Variants in ATP10A observed in about 807,000 individuals in gnomAD.
ATP10A encodes the protein phospholipid-transporting ATPase VA.
A neutral mutation model predicts 147.8 loss-of-function variants in ATP10A; 111 were observed. The ratio of observed to expected loss-of-function variants is 0.75; its 90% CI spans 0.64 to 0.88. The LOEUF (loss-of-function observed/expected upper bound fraction) is 0.88. ATP10A is among the 40% of genes least tolerant of loss of function. ATP10A has a pLI of 0.00. For synonymous variants in ATP10A, 875 were observed against 841.6 expected (o/e 1.04, Z -0.69); for missense variants, 1,927 against 1,959.0 (o/e 0.98, Z 0.31).
At chr15:25,853,961 A>T (rs1893400471) in intron 1 of ATP10A, among the ~76,000 whole-genome samples, 1 of 152,158 alleles carries the variant, frequency 6.6e-6, no homozygotes, top group Admixed American at 6.5e-5. Flanking sequence ...AAGAAAAAAA[A>T]AAAAAGACTC....
At chr15:25,832,981 C>CTTTTTTTTTT (rs202037774) in intron 1 of ATP10A, among the ~76,000 whole-genome samples, 37 of 124,186 alleles carry the variant, frequency 3.0e-4, no homozygotes, top group East Asian at 4.8e-4. Context: ...CTATTTTATT[C>CTTTTTTTTTT]TTTTTTTTTT....
chr15:25,846,443 G>T (rs1435171457), intron 1 of ATP10A, among the ~76,000 whole-genome samples: 1 of 152,192 alleles, frequency 6.6e-6, no homozygotes, highest in African/African-American at 2.4e-5. Context: ...CAAGCCCCAA[G>T]TTAGCACGTG....
At chr15:25,796,605 G>A (rs74668666) in intron 1 of ATP10A, among the ~76,000 whole-genome samples, 14,098 of 152,230 alleles carry the variant, frequency 0.093, 870 homozygotes, top group Non-Finnish European at 0.14. Flanking sequence ...ACCTCACAAC[G>A]TGGCTTCTTC....
At chr15:25,765,985 A>G (rs1311196262) in intron 2 of ATP10A, among the ~76,000 whole-genome samples, 1 of 152,224 alleles carries the variant, frequency 6.6e-6, no homozygotes, top group African/African-American at 2.4e-5. Context: ...TAATAAAGAC[A>G]TACCCAAAAC....
At position 25,740,375 on chromosome 15, in the gene ATP10A, C is replaced by T. The variant is rs144202442; in HGVS notation, c.655-4234G>A. The stretch of plus-strand genomic sequence containing the variant: ...TGCTGCCAGCAGGGACCCTGCCTAA[C>T]GCTCCAGGTGGAAATCTGTGAGTGA... On this transcript the variant is annotated intron_variant, in intron 2 of 20. Coordinates refer to ENST00000555815, the MANE Select transcript of ATP10A (RefSeq NM_024490.4). Among the ~76,000 whole-genome samples, 486 of 152,328 alleles carry T rather than the reference C, an allele frequency of 3.2e-3. 2 individuals carry two copies. Among genetic ancestry groups the T allele is most frequent in the Non-Finnish European group, 4.1e-3 (281 of 68,040 alleles).
intron 1 of ATP10A, among the ~76,000 whole-genome samples, chr15:25,853,953 G>GAA (rs60346962): frequency 1.6e-5 from 2 of 123,532 alleles, no homozygotes; most frequent in Admixed American, 8.0e-5. Context: ...GAAAAAAAAA[G>GAA]AAAAAAAAAA....
intron 1 of ATP10A, among the ~76,000 whole-genome samples, chr15:25,800,946 T>C (rs1221092318): frequency 2.0e-5 from 3 of 152,188 alleles, no homozygotes; most frequent in African/African-American, 7.2e-5. Flanking sequence ...CCCGCTGTAC[T>C]AGATGCTGAC....
intron 12 of ATP10A, among the ~76,000 whole-genome samples, chr15:25,704,204 G>T (rs1037456179): frequency 2.0e-4 from 30 of 152,192 alleles, no homozygotes; most frequent in African/African-American, 7.2e-4. Flanking sequence ...GGATGGTCTT[G>T]CCTTCCTCTG....
chr15:25,744,375 AGTGT>A (rs1054473735), intron 2 of ATP10A, among the ~76,000 whole-genome samples: 3 of 152,066 alleles, frequency 2.0e-5, no homozygotes, highest in African/African-American at 7.2e-5. Context: ...TATGTGTGTG[AGTGT>A]GTGTATATAT....
At chr15:25,751,087 TA>T (rs202156295) in intron 2 of ATP10A, among the ~76,000 whole-genome samples, 3 of 152,018 alleles carry the variant, frequency 2.0e-5, no homozygotes, top group Non-Finnish European at 4.4e-5. Flanking sequence ...TCTTGCTGTC[TA>T]AAAAAATGCA....
At position 25,718,280 on chromosome 15, in the gene ATP10A, T is replaced by G. The variant is rs780902284; in HGVS notation, c.1483A>C (p.Arg495=). 1.4e-5 allele frequency: 22 copies of G among 1,612,398 alleles called. No individual in the cohort carries two copies. In the South Asian group the frequency reaches 2.4e-4, roughly 18 times the overall value. ...GSHQSVRVVH[R]TQSTKSHRRT... is the part of the protein sequence containing the mutation. ...CGGTGGGACTTGGTGCTCTGGGTTC[T>G]GTGCACCACCCGGACACTCTGGTGG... Residue 495 remains arginine, a synonymous_variant, in exon 8 of 21, where the codon AGA becomes CGA. Coordinates refer to ENST00000555815, the MANE Select transcript of ATP10A (RefSeq NM_024490.4).
Position 25,821,475 on chromosome 15 carries a change from A to G in ATP10A, c.450-40252T>C, listed in dbSNP as rs1369644458. On this transcript the variant is annotated intron_variant, in intron 1 of 20. Transcript: ENST00000555815. ...AACATTGAATAGATAAAAACTGGAA[A>G]CAAAAAGATGTCATTTTTGCCTGCC... 2.0e-5 allele frequency among the ~76,000 whole-genome samples: 3 copies of G among 152,214 alleles called. No individual in the cohort carries two copies. In the East Asian group the frequency reaches 5.8e-4, roughly 29 times the overall value.
chr15:25,785,901 A>G (rs560738665), intron 1 of ATP10A, among the ~76,000 whole-genome samples: 1 of 152,374 alleles, frequency 6.6e-6, no homozygotes, highest in South Asian at 2.1e-4. Flanking sequence ...AGAGTCCAAC[A>G]GTGACCAACT....
chr15:25,750,377 T>TA (rs1433405270), intron 2 of ATP10A, among the ~76,000 whole-genome samples: 4 of 151,734 alleles, frequency 2.6e-5, no homozygotes, highest in Non-Finnish European at 5.9e-5. Flanking sequence ...GGGTGTAAAA[T>TA]AAAGATGTTT....
intron 1 of ATP10A, among the ~76,000 whole-genome samples, chr15:25,797,647 G>A (rs1890740469): frequency 6.6e-6 from 1 of 152,158 alleles, no homozygotes; most frequent in African/African-American, 2.4e-5. Context: ...CCCTCCTCGG[G>A]GGACAGCCAT....
intron 1 of ATP10A, among the ~76,000 whole-genome samples, chr15:25,842,743 G>A: frequency 6.6e-6 from 1 of 151,428 alleles, no homozygotes; most frequent in East Asian, 1.9e-4. Flanking sequence ...TTTTGAGATA[G>A]AATTTCACTC....
chr15:25,681,925 G>A (rs529058223), intron 17 of ATP10A, among the ~76,000 whole-genome samples: 1 of 152,034 alleles, frequency 6.6e-6, no homozygotes, highest in African/African-American at 2.4e-5. Context: ...ATGGTGGTGG[G>A]CGCCTGTAGT....
intron 2 of ATP10A, among the ~76,000 whole-genome samples, chr15:25,771,293 G>T (rs181796855): frequency 4.6e-5 from 7 of 152,078 alleles, no homozygotes; most frequent in Non-Finnish European, 8.8e-5. Flanking sequence ...CAAAGAGCCC[G>T]GCACGGCAGC....
At chr15:25,857,599 A>C (rs1893573719) in intron 1 of ATP10A, among the ~76,000 whole-genome samples, 1 of 152,236 alleles carries the variant, frequency 6.6e-6, no homozygotes, top group South Asian at 2.1e-4. Context: ...AGAAGGGAGT[A>C]GGTGGGAATA....
Sources: gnomAD v4.1 joint callset for allele counts (sites outside exome capture counted in the v4.1 genomes callset) on GRCh38, gnomAD v4.1.1 for gene constraint, MANE v1.5 for transcripts, NCBI Gene and HGNC (gene_info 2026-07-23, HGNC 2026-07-21) for gene names.